CATSPERQ: variants seen among roughly 807,000 people sequenced by gnomAD.
CATSPERQ encodes catsper channel auxiliary subunit theta, also known as cation channel sperm-associated auxiliary subunit theta.
chr8:144,353,723 A>G, the CATSPERQ span: 1 of 1,529,748 alleles, frequency 6.5e-7, no homozygotes, highest in East Asian at 2.4e-5. Context: ...AAGACCTTAA[A>G]CAGTGATCGG....
the CATSPERQ span, chr8:144,354,377 C>T: frequency 2.0e-6 from 3 of 1,515,900 alleles, no homozygotes; most frequent in Non-Finnish European, 2.6e-6. This position sits in a 1 kb window ranked among gnomAD's most constrained non-coding sequence, Gnocchi z 4.6. Context: ...CTGCCCGCAG[C>T]CGGGGGTGGC....
the CATSPERQ span, chr8:144,354,577 C>CAA: frequency 8.4e-5 from 67 of 797,562 alleles, no homozygotes; most frequent in Non-Finnish European, 1.2e-4. The surrounding 1 kb of genome is among the most constrained non-coding windows in gnomAD (Gnocchi z 4.6). Context: ...CCGCCCTTCC[C>CAA]AGCCCCGCCC....
At chr8:144,354,204 A>T in the CATSPERQ span, 1 of 1,546,124 alleles carries the variant, frequency 6.5e-7, no homozygotes, top group Non-Finnish European at 8.7e-7. The surrounding 1 kb of genome is among the most constrained non-coding windows in gnomAD (Gnocchi z 4.6). Flanking sequence ...TCAGGGGAGG[A>T]GGGCGGTGGG....
chr8:144,353,771 G>A, the CATSPERQ span: 5 of 1,535,418 alleles, frequency 3.3e-6, no homozygotes, highest in Middle Eastern at 6.7e-4. Context: ...GTCTGGGCGG[G>A]ACCCACCTCG....
chr8:144,354,443 G>A, the CATSPERQ span: 1 of 1,310,608 alleles, frequency 7.6e-7, no homozygotes, highest in Non-Finnish European at 1.0e-6. The surrounding 1 kb of genome is among the most constrained non-coding windows in gnomAD (Gnocchi z 4.6). Flanking sequence ...CGGAGGCGAC[G>A]TCTCGCCTGC....
At chr8:144,354,618 G>T in the CATSPERQ span, 2 of 1,383,368 alleles carry the variant, frequency 1.4e-6, no homozygotes, top group Admixed American at 2.4e-5. This position sits in a 1 kb window ranked among gnomAD's most constrained non-coding sequence, Gnocchi z 4.6. Flanking sequence ...CGCGCGCACC[G>T]TTTGGCTCCT....
At chr8:144,354,796 C>A in the CATSPERQ span, 3 of 1,524,576 alleles carry the variant, frequency 2.0e-6, no homozygotes, top group Non-Finnish European at 2.6e-6. The surrounding 1 kb of genome is among the most constrained non-coding windows in gnomAD (Gnocchi z 4.6). Flanking sequence ...GTCAGCCTGG[C>A]CGCTCGTCCG....
chr8:144,353,616 C>A, the CATSPERQ span: 1 of 1,460,186 alleles, frequency 6.8e-7, no homozygotes, highest in Non-Finnish European at 9.2e-7. Context: ...CAGGCTGCAT[C>A]CCCCGTCCTG....
the CATSPERQ span, chr8:144,354,663 G>A: frequency 6.5e-7 from 1 of 1,535,292 alleles, no homozygotes; most frequent in African/African-American, 1.4e-5. This position sits in a 1 kb window ranked among gnomAD's most constrained non-coding sequence, Gnocchi z 4.6. Context: ...TGTTCTTGAG[G>A]CGTCTGGCCA....
the CATSPERQ span, chr8:144,354,406 G>T: frequency 6.9e-7 from 1 of 1,452,522 alleles, no homozygotes; most frequent in Non-Finnish European, 9.3e-7. The surrounding 1 kb of genome is among the most constrained non-coding windows in gnomAD (Gnocchi z 4.6). Context: ...GGCTTGGCCC[G>T]GACTAGCTGG....
the CATSPERQ span, chr8:144,354,574 T>TACCCCCCC: frequency 3.1e-6 from 1 of 322,968 alleles, no homozygotes; most frequent in Non-Finnish European, 5.4e-6. This position sits in a 1 kb window ranked among gnomAD's most constrained non-coding sequence, Gnocchi z 4.6. Flanking sequence ...GCCCCGCCCT[T>TACCCCCCC]CCCAGCCCCG....
chr8:144,354,009 G>A, the CATSPERQ span: 24 of 1,535,116 alleles, frequency 1.6e-5, no homozygotes, highest in Non-Finnish European at 2.1e-5. This position sits in a 1 kb window ranked among gnomAD's most constrained non-coding sequence, Gnocchi z 4.6. Context: ...CCTGGCACAC[G>A]GTGCGGCCCT....
chr8:144,354,308 C>T, the CATSPERQ span: 1 of 1,533,786 alleles, frequency 6.5e-7, no homozygotes, highest in South Asian at 1.2e-5. The surrounding 1 kb of genome is among the most constrained non-coding windows in gnomAD (Gnocchi z 4.6). Context: ...CACAGTGTGT[C>T]CAGGTAGTAT....
chr8:144,354,261 C>G, the CATSPERQ span: 3 of 1,537,068 alleles, frequency 2.0e-6, no homozygotes, highest in African/African-American at 4.1e-5. This position sits in a 1 kb window ranked among gnomAD's most constrained non-coding sequence, Gnocchi z 4.6. Context: ...TGAAGCTGAC[C>G]AGGACCACGC....
chr8:144,354,250 C>T, the CATSPERQ span: 26 of 1,540,214 alleles, frequency 1.7e-5, no homozygotes, highest in Non-Finnish European at 2.2e-5. The surrounding 1 kb of genome is among the most constrained non-coding windows in gnomAD (Gnocchi z 4.6). Context: ...TCTCAGGGAG[C>T]TGAAGCTGAC....
At chr8:144,353,720 TAAAC>T in the CATSPERQ span, 2 of 1,529,144 alleles carry the variant, frequency 1.3e-6, no homozygotes, top group South Asian at 1.2e-5. Flanking sequence ...CCAAAGACCT[TAAAC>T]AGTGATCGGT....
chr8:144,353,279 T>A, the CATSPERQ span: 2 of 1,442,798 alleles, frequency 1.4e-6, no homozygotes, highest in African/African-American at 2.9e-5. Context: ...GACTCACATT[T>A]GATCTGCCCC....
At chr8:144,354,521 G>A in the CATSPERQ span, 11 of 1,441,252 alleles carry the variant, frequency 7.6e-6, no homozygotes, top group Admixed American at 2.3e-5. This position sits in a 1 kb window ranked among gnomAD's most constrained non-coding sequence, Gnocchi z 4.6. Flanking sequence ...TGCCCACCTG[G>A]CTCCGCCCCA....
At chr8:144,354,926 C>G in the CATSPERQ span, 5 of 1,244,278 alleles carry the variant, frequency 4.0e-6, no homozygotes, top group African/African-American at 6.1e-5. This position sits in a 1 kb window ranked among gnomAD's most constrained non-coding sequence, Gnocchi z 4.6. Flanking sequence ...GGCCAGGGAG[C>G]GGCCCAGGGT....
Sources: allele counts gnomAD v4.1 joint callset, GRCh38; gene constraint gnomAD v4.1.1; non-coding constraint Gnocchi (gnomAD v3.1); transcripts MANE v1.5; gene names NCBI Gene and HGNC (gene_info 2026-07-23, HGNC 2026-07-21).